ELMOD1: variants seen among roughly 807,000 people sequenced by gnomAD.
ELMOD1 encodes the protein ELMO domain containing 1.
ELMOD1 carries 21 observed loss-of-function variants against 46.7 expected under a neutral mutation model. That is an observed-to-expected ratio of 0.45 (90% confidence interval 0.32 to 0.65). The LOEUF (loss-of-function observed/expected upper bound fraction) is 0.65, where lower values mean the gene tolerates loss of function less well. Ranked by LOEUF, ELMOD1 falls within the 30% of genes least tolerant of loss-of-function variation. The probability of loss-of-function intolerance (pLI) is 0.04; values close to 1 mark genes in which losing one functional copy is unlikely to be tolerated. For missense variants in ELMOD1, 348 were observed against 407.8 expected (o/e 0.85, Z 1.26); for synonymous variants, 122 against 138.2 (o/e 0.88, Z 0.82).
chr11:107,605,191 CTTTT>C (rs1033311280), intron 1 of ELMOD1, among the ~76,000 whole-genome samples: 1 of 128,158 alleles, frequency 7.8e-6, no homozygotes, highest in African/African-American at 2.8e-5. Flanking sequence ...AATTTTCTTT[CTTTT>C]TTTTTTTTTT....
At chr11:107,600,593 G>A (rs999722857) in intron 1 of ELMOD1, 7 of 152,426 alleles carry the variant, frequency 4.6e-5, no homozygotes, top group African/African-American at 1.7e-4. Flanking sequence ...AATTATTTTT[G>A]GTCCTAAACG....
chr11:107,616,051 A>G (rs1234730525), intron 1 of ELMOD1, among the ~76,000 whole-genome samples: 1 of 128,208 alleles, frequency 7.8e-6, no homozygotes, highest in Non-Finnish European at 1.6e-5. Context: ...GCTGGAGTGC[A>G]GTGGTGCCAT....
At chr11:107,624,589 C>T (rs1200296205) in intron 2 of ELMOD1, among the ~76,000 whole-genome samples, 1 of 152,148 alleles carries the variant, frequency 6.6e-6, no homozygotes, top group Admixed American at 6.5e-5. Context: ...GAGGTCGAGG[C>T]TGCTTCAGCC....
chr11:107,598,543 C>T (rs1865533661), intron 1 of ELMOD1, among the ~76,000 whole-genome samples: 1 of 152,214 alleles, frequency 6.6e-6, no homozygotes, highest in African/African-American at 2.4e-5. Flanking sequence ...AATTCACCAT[C>T]ACAGGGGCTC....
At position 107,604,829 on chromosome 11, in the gene ELMOD1, G is replaced by A. The variant is rs192331334; in HGVS notation, c.-85-13276G>A. On this transcript the variant is annotated intron_variant, in intron 1 of 11. Transcript: ENST00000265840. Reference sequence around the variant, plus strand: ...TTAAATGAATGCTATTACCTCTTCTGCACAGTCAGGGTTAGCATTGCCTTA... The same window carrying A: ...TTAAATGAATGCTATTACCTCTTCTACACAGTCAGGGTTAGCATTGCCTTA... 3.0e-3 allele frequency among the ~76,000 whole-genome samples: 463 copies of A among 152,218 alleles called. 1 individual carries two copies. Among genetic ancestry groups the A allele is most frequent in the African/African-American group, 0.01 (420 of 41,516 alleles).
At chr11:107,613,215 T>A (rs1452483649) in intron 1 of ELMOD1, among the ~76,000 whole-genome samples, 1 of 152,220 alleles carries the variant, frequency 6.6e-6, no homozygotes, top group Middle Eastern at 3.2e-3. Flanking sequence ...GACAAAATTA[T>A]AATACTAATA....
At chr11:107,640,755 A>G (rs984470442) in intron 6 of ELMOD1, among the ~76,000 whole-genome samples, 1 of 152,236 alleles carries the variant, frequency 6.6e-6, no homozygotes, top group Non-Finnish European at 1.5e-5. Flanking sequence ...TCAGTTTAGC[A>G]ATAAAACCTT....
intron 10 of ELMOD1, among the ~76,000 whole-genome samples, chr11:107,654,717 G>A (rs1591136823): frequency 6.7e-6 from 1 of 150,306 alleles, no homozygotes; most frequent in South Asian, 2.1e-4. Flanking sequence ...TGCAGTGAGT[G>A]GAGATGGCGC....
At chr11:107,662,025 AAG>A (rs1866747785) in intron 11 of ELMOD1, among the ~76,000 whole-genome samples, 1 of 152,230 alleles carries the variant, frequency 6.6e-6, no homozygotes, top group African/African-American at 2.4e-5. Context: ...GAAGCAGTGA[AAG>A]AGAAAAGCTC....
chr11:107,608,751 GT>G (rs1383673127), intron 1 of ELMOD1, among the ~76,000 whole-genome samples: 45 of 152,294 alleles, frequency 3.0e-4, no homozygotes, highest in Non-Finnish European at 5.7e-4. Flanking sequence ...AAAGGAGAGA[GT>G]TTATTTTTCA....
At chr11:107,661,626 G>C (rs1487173942) in intron 11 of ELMOD1, among the ~76,000 whole-genome samples, 1 of 152,102 alleles carries the variant, frequency 6.6e-6, no homozygotes, top group East Asian at 1.9e-4. Context: ...AGGAAAGAAG[G>C]ATTTATAAAT....
chr11:107,615,483 T>G (rs925101099), intron 1 of ELMOD1, among the ~76,000 whole-genome samples: 2 of 152,000 alleles, frequency 1.3e-5, no homozygotes, highest in African/African-American at 2.4e-5. Context: ...TCCACCCACC[T>G]CGGCCTCCCA....
intron 11 of ELMOD1, among the ~76,000 whole-genome samples, chr11:107,657,322 T>C (rs374695378): frequency 6.6e-6 from 1 of 152,126 alleles, no homozygotes; most frequent in South Asian, 2.1e-4. Flanking sequence ...GGCGGGAAGA[T>C]TACTTGAGCC....
Position 107,617,142 on chromosome 11 carries a change from G to A in ELMOD1, c.-85-963G>A, listed in dbSNP as rs532268868. On this transcript the variant is annotated intron_variant, in intron 1 of 11. Transcript: ENST00000265840. ...ACCTCTCTTCCCAAAAGCAACCACA[G>A]TCTTAAATTGGTGTATAGACAGTTT... 3.4e-4 allele frequency among the ~76,000 whole-genome samples: 52 copies of A among 152,164 alleles called. 1 individual carries two copies. In the South Asian group the frequency reaches 8.9e-3, roughly 26 times the overall value.
At chr11:107,658,047 CTA>C (rs35819124) in intron 11 of ELMOD1, among the ~76,000 whole-genome samples, 36,547 of 152,012 alleles carry the variant, frequency 0.24, 8,853 homozygotes, top group African/African-American at 0.62. Context: ...AAATAAGTGA[CTA>C]TGTGGCTGGG....
At chr11:107,640,062 G>T (rs534370463) in intron 6 of ELMOD1, among the ~76,000 whole-genome samples, 1 of 152,244 alleles carries the variant, frequency 6.6e-6, no homozygotes, top group Non-Finnish European at 1.5e-5. Context: ...GGAGTGCAGT[G>T]GTGCAATCTT....
intron 10 of ELMOD1, 65 bp downstream of exon 10, chr11:107,654,287 T>A: frequency 7.2e-7 from 1 of 1,392,570 alleles, no homozygotes; most frequent in East Asian, 2.5e-5. Context: ...AGAACTAGAG[T>A]ATCATGAAAG....
intron 11 of ELMOD1, among the ~76,000 whole-genome samples, chr11:107,663,392 C>G (rs1448364221): frequency 6.6e-5 from 10 of 152,058 alleles, no homozygotes; most frequent in Non-Finnish European, 1.3e-4. Flanking sequence ...TGCCTGTAGT[C>G]CCAGCTATTT....
intron 6 of ELMOD1, among the ~76,000 whole-genome samples, chr11:107,637,160 A>T (rs1446694160): frequency 1.3e-5 from 2 of 152,228 alleles, no homozygotes; most frequent in African/African-American, 4.8e-5. Context: ...TGTGGTTATG[A>T]TTAGATTATC....
Sources: gnomAD v4.1 joint callset for allele counts (sites outside exome capture counted in the v4.1 genomes callset) on GRCh38, gnomAD v4.1.1 for gene constraint, MANE v1.5 for transcripts, NCBI Gene and HGNC (gene_info 2026-07-23, HGNC 2026-07-21) for gene names.